KDM4C: variants seen among roughly 807,000 people sequenced by gnomAD.
KDM4C encodes lysine-specific demethylase 4C.
KDM4C carries 81 observed loss-of-function variants against 129.3 expected under a neutral mutation model. The ratio of observed to expected loss-of-function variants is 0.63; its 90% CI spans 0.52 to 0.75. The LOEUF is 0.75. Among genes scored for constraint, KDM4C ranks in the 30% least tolerant of loss-of-function variants. KDM4C has a pLI of 0.00. For missense variants in KDM4C, 1,457 were observed against 1,304.0 expected (o/e 1.12, Z -1.81); for synonymous variants, 573 against 456.1 (o/e 1.26, Z -3.26).
intron 8 of KDM4C, among the ~76,000 whole-genome samples, chr9:6,918,885 T>C (rs1001307920): frequency 6.6e-6 from 1 of 152,070 alleles, no homozygotes; most frequent in Non-Finnish European, 1.5e-5. Context: ...AGAGTCTCAC[T>C]CTGTTGCCCA....
intron 19 of KDM4C, among the ~76,000 whole-genome samples, chr9:7,150,580 G>C (rs1842640153): frequency 6.6e-6 from 1 of 152,172 alleles, no homozygotes; most frequent in African/African-American, 2.4e-5. Context: ...CCCTGGCCCA[G>C]AGGACACACT....
chr9:7,111,361 C>T (rs762104386), intron 18 of KDM4C, among the ~76,000 whole-genome samples: 2 of 152,180 alleles, frequency 1.3e-5, no homozygotes, highest in Admixed American at 6.5e-5. Flanking sequence ...GAAACTAAAT[C>T]AGTGAGTATA....
intron 8 of KDM4C, among the ~76,000 whole-genome samples, chr9:6,900,800 C>G (rs993438512): frequency 6.6e-5 from 10 of 152,070 alleles, no homozygotes; most frequent in African/African-American, 2.2e-4. Context: ...GGTTTTCTAC[C>G]TTCTCTTTCA....
At chr9:6,877,341 C>T (rs866993216) in intron 5 of KDM4C, among the ~76,000 whole-genome samples, 5 of 152,198 alleles carry the variant, frequency 3.3e-5, no homozygotes, top group Non-Finnish European at 5.9e-5. Context: ...GCTGAGACTA[C>T]AGGCGCCCGC....
chr9:6,868,907 A>G (rs773145489), intron 5 of KDM4C, among the ~76,000 whole-genome samples: 6 of 152,140 alleles, frequency 3.9e-5, no homozygotes, highest in Non-Finnish European at 8.8e-5. Context: ...TGTGTAAAAC[A>G]CTAAATTATT....
intron 1 of KDM4C, among the ~76,000 whole-genome samples, chr9:6,760,444 G>GGTATATAT (rs1554670290): frequency 1.0e-5 from 1 of 95,754 alleles, no homozygotes; most frequent in African/African-American, 5.3e-5. Flanking sequence ...TCTACTCTTG[G>GGTATATAT]GTATATATAT....
chr9:6,837,224 A>G (rs1836039147), intron 4 of KDM4C, among the ~76,000 whole-genome samples: 1 of 151,900 alleles, frequency 6.6e-6, no homozygotes, highest in Admixed American at 6.6e-5. Flanking sequence ...TACCCAACTA[A>G]TTTTTGTATT....
chr9:6,935,399 A>G (rs1051925081), intron 8 of KDM4C, among the ~76,000 whole-genome samples: 3 of 151,898 alleles, frequency 2.0e-5, no homozygotes, highest in Non-Finnish European at 4.4e-5. Context: ...ACAGTAAAAC[A>G]TGATTTTTCA....
At chr9:7,009,780 C>G (rs1822350606) in intron 12 of KDM4C, among the ~76,000 whole-genome samples, 1 of 152,172 alleles carries the variant, frequency 6.6e-6, no homozygotes, top group African/African-American at 2.4e-5. Context: ...GGTTATCTTT[C>G]AATTCCACTT....
chr9:7,119,568 T>C (rs1839277803), intron 18 of KDM4C, among the ~76,000 whole-genome samples: 1 of 152,152 alleles, frequency 6.6e-6, no homozygotes, highest in Non-Finnish European at 1.5e-5. Context: ...TAGATATTAG[T>C]ATTTAATGCA....
chr9:6,989,250 C>T (rs138287471), intron 11 of KDM4C, among the ~76,000 whole-genome samples: 1 of 152,278 alleles, frequency 6.6e-6, no homozygotes, highest in East Asian at 1.9e-4. Context: ...GAGTCAGAGG[C>T]CAGAGTAGTT....
At chr9:6,743,438 A>G (rs955923655) in intron 1 of KDM4C, among the ~76,000 whole-genome samples, 10 of 152,054 alleles carry the variant, frequency 6.6e-5, no homozygotes, top group African/African-American at 2.4e-4. Context: ...TCTCACAGTT[A>G]TCTTATGTTG....
chr9:6,862,833 A>G (rs527856961), intron 5 of KDM4C, among the ~76,000 whole-genome samples: 1 of 152,014 alleles, frequency 6.6e-6, no homozygotes, highest in Non-Finnish European at 1.5e-5. Flanking sequence ...CAAACAAACA[A>G]ACAAACAAAA....
chr9:7,147,717 C>T (rs541086920), intron 19 of KDM4C, among the ~76,000 whole-genome samples: 2 of 152,294 alleles, frequency 1.3e-5, no homozygotes, highest in South Asian at 4.1e-4. Context: ...GTAGGAAGAG[C>T]TACATGTGTG....
chr9:6,968,084 G>T lies in KDM4C; in HGVS notation c.922-12841G>T, dbSNP rs76013754. ...AGATGTTTGCTATCACTATCAGCGT[G>T]AATTTTTAAAAATTATGATCTATTA... On this transcript the variant is annotated intron_variant, in intron 8 of 21. Coordinates refer to ENST00000381309, the MANE Select transcript of KDM4C (RefSeq NM_015061.6). Among the ~76,000 whole-genome samples the T allele has an allele frequency of 8.5e-5, 13 of 152,256 alleles. No homozygotes were observed. In the East Asian group the frequency reaches 1.4e-3, roughly 16 times the overall value.
intron 8 of KDM4C, among the ~76,000 whole-genome samples, chr9:6,909,983 A>G (rs1818985514): frequency 6.6e-6 from 1 of 152,206 alleles, no homozygotes; most frequent in African/African-American, 2.4e-5. Flanking sequence ...TAATATCCTT[A>G]ATAAGGTGCA....
intron 17 of KDM4C, among the ~76,000 whole-genome samples, chr9:7,094,117 G>A (rs1836130765): frequency 6.6e-6 from 1 of 152,224 alleles, no homozygotes; most frequent in Admixed American, 6.5e-5. Flanking sequence ...TAAGCTTGGA[G>A]AAGTGACCCA....
chr9:6,944,367 C>T (rs371493521), intron 8 of KDM4C, among the ~76,000 whole-genome samples: 90 of 152,312 alleles, frequency 5.9e-4, no homozygotes, highest in African/African-American at 2.1e-3. Flanking sequence ...ATTTCATGCA[C>T]ATCAGTTCTG....
intron 7 of KDM4C, among the ~76,000 whole-genome samples, chr9:6,892,645 C>G (rs1416921571): frequency 2.6e-5 from 4 of 152,138 alleles, no homozygotes; most frequent in African/African-American, 9.7e-5. Context: ...TCTTTACCAA[C>G]AAGAATTCAT....
Sources: gnomAD v4.1 joint callset for allele counts (sites outside exome capture counted in the v4.1 genomes callset) on GRCh38, gnomAD v4.1.1 for gene constraint, MANE v1.5 for transcripts, NCBI Gene and HGNC (gene_info 2026-07-23, HGNC 2026-07-21) for gene names.